Variants in TM9SF4 observed in about 807,000 individuals in gnomAD.
TM9SF4 encodes the protein dinucleotide oxidase disulfide thiol exchanger 3 superfamily member 4.
In TM9SF4, 26 loss-of-function variants were observed where a neutral mutation model predicts 90.4. That is an observed-to-expected ratio of 0.29 (90% CI 0.21 to 0.40). TM9SF4 has a LOEUF of 0.40. TM9SF4 is among the 10% of genes least tolerant of loss of function. The pLI is 1.00. For missense variants in TM9SF4, 549 were observed against 834.8 expected (o/e 0.66, Z 4.22); for synonymous variants, 293 against 315.4 (o/e 0.93, Z 0.75).
intron 17 of TM9SF4, among the ~76,000 whole-genome samples, chr20:32,162,665 C>T (rs1228907766): frequency 1.3e-5 from 2 of 152,170 alleles, no homozygotes; most frequent in Non-Finnish European, 1.5e-5. Flanking sequence ...CTAACATTCC[C>T]ATTCTTTCTG....
chr20:32,149,869 CTCCTGGCACCAAGT>C, intron 10 of TM9SF4, 103 bp downstream of exon 10: 1 of 1,496,156 alleles, frequency 6.7e-7, no homozygotes, highest in Non-Finnish European at 9.0e-7. Flanking sequence ...GGGAACCAAG[CTCCTGGCACCAAGT>C]GGGCATGTCA....
intron 1 of TM9SF4, among the ~76,000 whole-genome samples, chr20:32,111,780 G>T (rs1015908250): frequency 6.6e-6 from 1 of 152,190 alleles, no homozygotes; most frequent in Non-Finnish European, 1.5e-5. Flanking sequence ...GAAATGGCAA[G>T]TGTAAGGGGC....
At chr20:32,127,868 G>A (rs960364840) in intron 1 of TM9SF4, among the ~76,000 whole-genome samples, 1 of 152,198 alleles carries the variant, frequency 6.6e-6, no homozygotes, top group African/African-American at 2.4e-5. Flanking sequence ...AGGAGATTGT[G>A]ATCCCCTGCA....
chr20:32,143,734 T>C (rs2046716100), intron 6 of TM9SF4, among the ~76,000 whole-genome samples: 1 of 152,044 alleles, frequency 6.6e-6, no homozygotes, highest in South Asian at 2.1e-4. Context: ...TGGACTTTTT[T>C]TTTTTTTCCA....
chr20:32,111,119 T>C (rs17093831), intron 1 of TM9SF4, among the ~76,000 whole-genome samples: 3,849 of 152,330 alleles, frequency 0.025, 74 homozygotes, highest in Non-Finnish European at 0.041. Context: ...CTTTGTTTAA[T>C]GAGGGATTCC....
At chr20:32,117,420 A>T (rs2122314135) in intron 1 of TM9SF4, among the ~76,000 whole-genome samples, 1 of 152,314 alleles carries the variant, frequency 6.6e-6, no homozygotes, top group Admixed American at 6.5e-5. Flanking sequence ...AGAGGGCTCC[A>T]GAAAAAGTTA....
intron 1 of TM9SF4, among the ~76,000 whole-genome samples, chr20:32,114,419 C>T (rs1223735124): frequency 6.6e-6 from 1 of 152,216 alleles, no homozygotes; most frequent in African/African-American, 2.4e-5. Flanking sequence ...CAGCCTCCAC[C>T]TCCCGGGCTC....
chr20:32,144,945 A>G (rs2046739827), intron 6 of TM9SF4, 146 bp from the exon 7 acceptor site: 4 of 695,266 alleles, frequency 5.8e-6, no homozygotes, highest in East Asian at 2.5e-5. Flanking sequence ...AAAAAAAACC[A>G]TTGTTGCCCA....
intron 1 of TM9SF4, among the ~76,000 whole-genome samples, chr20:32,121,899 T>A: frequency 7.7e-6 from 1 of 129,656 alleles, no homozygotes; most frequent in East Asian, 2.5e-4. Context: ...CCCACCTCCC[T>A]CCCGGACGGG....
rs779542159 is a variant in TM9SF4, at chr20:32,143,025, G to A, written c.572G>A (p.Arg191Gln). 1.7e-5 allele frequency: 28 copies of A among 1,613,666 alleles called. 1 individual carries two copies. The highest frequency in any genetic ancestry group is 9.3e-5 in the African/African-American group (7 of 74,906). Residue 191 changes from arginine to glutamine, a missense_variant, in exon 6 of 18, where the codon CGG becomes CAG. Coordinates refer to ENST00000398022, the MANE Select transcript of TM9SF4 (RefSeq NM_014742.4). ...CTCTCATTCATCCTTTACTATCATC[G>A]GGAGGACATGGAAGAGGACCAGGAG... ...NHLSFILYYH[R>Q]EDMEEDQEHT...
In TM9SF4 at chr20:32,150,794, C is replaced by T; in HGVS notation, c.1170-6C>T. On this transcript the variant is annotated splice_polypyrimidine_tract_variant and splice_region_variant and intron_variant, in intron 11 of 17. Coordinates refer to ENST00000398022, the MANE Select transcript of TM9SF4 (RefSeq NM_014742.4). ...CTTGGTGTGGATCCCTGCCATTTTC[C>T]CACAGGGTGTTTGGCGGATTTTCTG... The T allele has an allele frequency of 1.2e-6, 2 of 1,614,144 alleles. No homozygotes were observed. The highest frequency in any genetic ancestry group is 1.7e-6 in the Non-Finnish European group (2 of 1,180,026).
chr20:32,143,127 G>A (rs2046704916), intron 6 of TM9SF4, 22 bp downstream of exon 6: 1 of 1,610,852 alleles, frequency 6.2e-7, no homozygotes, highest in African/African-American at 1.3e-5. Flanking sequence ...GGTGTGGCCG[G>A]AGGGGCAGGG....
At chr20:32,159,936 CA>C in intron 15 of TM9SF4, 55 bp from the exon 16 acceptor site, 1 of 1,610,588 alleles carries the variant, frequency 6.2e-7, no homozygotes, top group Non-Finnish European at 8.5e-7. Flanking sequence ...GTTGGTGTGC[CA>C]GGGGAAGGGG....
chr20:32,161,132 C>T (rs2047012274), intron 16 of TM9SF4, 144 bp from the exon 17 acceptor site: 1 of 655,662 alleles, frequency 1.5e-6, no homozygotes, highest in South Asian at 1.8e-5. Context: ...CTGGAACCAC[C>T]ATCACAGTCA....
rs2046679024 is a variant in TM9SF4, at chr20:32,141,553, A to G, written c.286A>G (p.Ser96Gly). The part of the protein sequence containing the change: ...VNTPFQVLMN[S>G]EKKCEVLCSQ... ...CACCCCTTTCCAGGTTCTCATGAAC[A>G]GCGAGAAGAAGTGTGAAGTTCTGTG... The change falls in exon 4 of 18, where the codon AGC becomes GGC. Residue 96 changes from serine to glycine, a missense_variant. By Grantham distance (56) the Ser-to-Gly change is moderately conservative (BLOSUM62 0). Around this residue, in one of 2 missense-constraint regions of TM9SF4, gnomAD observed 495 missense variants for 711.7 expected, o/e 0.70. Coordinates refer to ENST00000398022, the MANE Select transcript of TM9SF4 (RefSeq NM_014742.4). 1.2e-6 allele frequency: 2 copies of G among 1,614,056 alleles called. No homozygotes were observed. Among genetic ancestry groups the G allele is most frequent in the East Asian group, 2.2e-5 (1 of 44,890 alleles).
At chr20:32,141,114 G>A (rs1293215210) in intron 3 of TM9SF4, among the ~76,000 whole-genome samples, 1 of 151,566 alleles carries the variant, frequency 6.6e-6, no homozygotes, top group Non-Finnish European at 1.5e-5. Context: ...CTACTCGGGA[G>A]GCTGAGGCAG....
In TM9SF4 at chr20:32,164,042, TC is replaced by T. The variant is rs139340784; in HGVS notation, c.1780-1250del. Among the ~76,000 whole-genome samples, 606 of 152,248 alleles carry T rather than the reference TC, an allele frequency of 4.0e-3. 1 individual carries two copies. The highest frequency in any genetic ancestry group is 6.3e-3 in the Non-Finnish European group (431 of 68,016). On this transcript the variant is annotated intron_variant, in intron 17 of 17. Transcript: ENST00000398022. ...TCACATCACAGCCTCTTGTCCTTCC[TC>T]CCTTCTGCTCCAGTCTTCTTGCTCT...
At chr20:32,122,327 G>T (rs2046331961) in intron 1 of TM9SF4, among the ~76,000 whole-genome samples, 1 of 151,306 alleles carries the variant, frequency 6.6e-6, no homozygotes, top group African/African-American at 2.4e-5. Flanking sequence ...CTCCCTCCCG[G>T]ACGGGGTGGC....
chr20:32,115,166 T>C (rs952586705), intron 1 of TM9SF4, among the ~76,000 whole-genome samples: 8 of 152,186 alleles, frequency 5.3e-5, no homozygotes, highest in African/African-American at 1.9e-4. Context: ...ACATCGGGCC[T>C]TGGTTAAATG....
Sources: gnomAD v4.1 joint callset for allele counts (sites outside exome capture counted in the v4.1 genomes callset) on GRCh38, gnomAD v4.1.1 for gene constraint, gnomAD v4.1.1 regional missense constraint, MANE v1.5 for transcripts, NCBI Gene and HGNC (gene_info 2026-07-23, HGNC 2026-07-21) for gene names.